EPS15: variants seen among roughly 807,000 people sequenced by gnomAD.
EPS15 encodes epidermal growth factor receptor substrate 15.
Under a neutral mutation model 113.8 loss-of-function variants are expected in EPS15, and 72 were observed. The ratio of observed to expected loss-of-function variants is 0.63; its 90% CI spans 0.52 to 0.77. The LOEUF is 0.77. Among genes scored for constraint, EPS15 ranks in the 30% least tolerant of loss-of-function variants. The pLI, the probability that EPS15 is intolerant of heterozygous loss-of-function variation, is 0.00. For missense variants in EPS15, 1,048 were observed against 1,045.8 expected, an observed-to-expected ratio of 1.00 and a Z score of -0.03; for synonymous variants, 344 against 363.4, an observed-to-expected ratio of 0.95 and a Z score of 0.61.
chr1:51,453,977 C>A (rs2148490622), intron 8 of EPS15, among the ~76,000 whole-genome samples: 1 of 142,710 alleles, frequency 7.0e-6, no homozygotes, highest in Admixed American at 7.6e-5. Flanking sequence ...TTGAACCTAG[C>A]AGGTGGAGGC....
At chr1:51,366,160 C>T in intron 21 of EPS15, 131 bp from the exon 22 acceptor site, 1 of 589,060 alleles carries the variant, frequency 1.7e-6, no homozygotes, top group Admixed American at 3.2e-5. Context: ...CTCAATCTCC[C>T]AGGCTCAAGT....
chr1:51,445,159 T>C, intron 10 of EPS15, 114 bp from the exon 11 acceptor site: 2 of 899,230 alleles, frequency 2.2e-6, no homozygotes, highest in Non-Finnish European at 3.4e-6. Context: ...AAAAAGACAG[T>C]CACACCAACT....
chr1:51,400,702 C>T (rs374585842), intron 19 of EPS15, among the ~76,000 whole-genome samples: 1 of 22,646 alleles, frequency 4.4e-5, no homozygotes, highest in Non-Finnish European at 9.4e-5. Context: ...GTCTCAAAAA[C>T]AAAAAACACC....
intron 3 of EPS15, among the ~76,000 whole-genome samples, chr1:51,472,634 C>T (rs1194740328): frequency 2.6e-5 from 4 of 152,106 alleles, no homozygotes; most frequent in African/African-American, 9.7e-5. Context: ...CTCATTTTAT[C>T]CTATTAAAAA....
chr1:51,399,510 C>CACTGCA (rs1021134845), intron 19 of EPS15, among the ~76,000 whole-genome samples: 1 of 149,286 alleles, frequency 6.7e-6, no homozygotes, highest in Admixed American at 6.7e-5. Context: ...AAAGATCTGC[C>CACTGCA]ACTGCACTCC....
chr1:51,435,752 T>C (rs1462698542), intron 12 of EPS15, among the ~76,000 whole-genome samples: 1 of 151,986 alleles, frequency 6.6e-6, no homozygotes, highest in African/African-American at 2.4e-5. Flanking sequence ...AATTAAAAAT[T>C]TACCAAAAAA....
intron 21 of EPS15, among the ~76,000 whole-genome samples, chr1:51,388,442 C>T (rs1312485358): frequency 6.6e-6 from 1 of 152,086 alleles, no homozygotes; most frequent in Admixed American, 6.5e-5. Flanking sequence ...CATTCAAAAG[C>T]TAGCAGAAGG....
At chr1:51,378,871 AC>A (rs1160127975) in intron 21 of EPS15, among the ~76,000 whole-genome samples, 1 of 152,020 alleles carries the variant, frequency 6.6e-6, no homozygotes, top group Non-Finnish European at 1.5e-5. Flanking sequence ...CAATGGAGAC[AC>A]CCCCACACTA....
chr1:51,403,463 C>T lies in EPS15; in HGVS notation c.1747G>A (p.Glu583Lys), dbSNP rs1353088701. The change falls in exon 17 of 25, where the codon GAA (glutamate) becomes AAA (lysine). Residue 583 changes from glutamate to lysine, a missense_variant. Coordinates refer to ENST00000371733, the MANE Select transcript of EPS15 (RefSeq NM_001981.3). ...TTGTCGAGTTCAGAACAAACTTTTT[C>T]AGTAACAGCTGTAGTCACCTCATTT... ...DENEVTTAVT[E>K]KVCSELDNNR... The T allele has an allele frequency of 5.0e-6, 8 of 1,611,624 alleles. No homozygotes were observed. Among genetic ancestry groups the T allele is most frequent in the Non-Finnish European group, 5.9e-6 (7 of 1,178,796 alleles).
chr1:51,373,783 T>A (rs1646719259), intron 21 of EPS15, among the ~76,000 whole-genome samples: 1 of 152,060 alleles, frequency 6.6e-6, no homozygotes, highest in Non-Finnish European at 1.5e-5. Flanking sequence ...AAACCCTGTC[T>A]CTACTAAAAA....
At chr1:51,448,801 A>G (rs934471741) in intron 8 of EPS15, among the ~76,000 whole-genome samples, 29 of 152,186 alleles carry the variant, frequency 1.9e-4, no homozygotes, top group African/African-American at 6.8e-4. Context: ...GTAGCATCAA[A>G]AAAATAAATA....
At chr1:51,477,308 A>G (rs1234638642) in intron 2 of EPS15, among the ~76,000 whole-genome samples, 1 of 151,902 alleles carries the variant, frequency 6.6e-6, no homozygotes, top group Non-Finnish European at 1.5e-5. Flanking sequence ...TATCCCCTTT[A>G]TCATTTTTTA....
chr1:51,458,951 C>A (rs1338586909), intron 8 of EPS15: 2 of 153,122 alleles, frequency 1.3e-5, no homozygotes, highest in Non-Finnish European at 2.9e-5. Context: ...CCCTGAAATG[C>A]GACTGAGATA....
Position 51,444,884 on chromosome 1 carries a change from C to A in EPS15, c.954+5G>T, listed in dbSNP as rs1652881000. 1 of 1,611,602 alleles carries A rather than the reference C, an allele frequency of 6.2e-7. No homozygotes were observed. The highest frequency in any genetic ancestry group is 1.3e-5 in the African/African-American group (1 of 74,752). On this transcript the variant is annotated splice_donor_5th_base_variant and intron_variant, in intron 11 of 24. Coordinates refer to ENST00000371733, the MANE Select transcript of EPS15 (RefSeq NM_001981.3). ...ACATTCAGGTTTCCTTTTAAGCTTT[C>A]TTACCTTTTGTAAACTGGCCCTGTC... is the stretch of plus-strand genomic sequence containing the variant.
chr1:51,483,414 T>TGTGA (rs929484577), intron 1 of EPS15, among the ~76,000 whole-genome samples: 20 of 148,532 alleles, frequency 1.3e-4, no homozygotes, highest in African/African-American at 4.9e-4. Context: ...TGTGTGTGTG[T>TGTGA]GTGTGTGTGT....
chr1:51,518,810 CAGG>C (rs1378511036), intron 1 of EPS15, among the ~76,000 whole-genome samples: 1 of 151,588 alleles, frequency 6.6e-6, no homozygotes, highest in Non-Finnish European at 1.5e-5. Context: ...GCGAGCTCAA[CAGG>C]AGCTCACCTG....
intron 1 of EPS15, among the ~76,000 whole-genome samples, chr1:51,496,475 T>C (rs1264513824): frequency 6.6e-6 from 1 of 152,182 alleles, no homozygotes; most frequent in Non-Finnish European, 1.5e-5. Context: ...CCAAAATGAA[T>C]AGATAATTTA....
At chr1:51,493,814 T>G (rs1382082454) in intron 1 of EPS15, among the ~76,000 whole-genome samples, 1 of 151,882 alleles carries the variant, frequency 6.6e-6, no homozygotes, top group Non-Finnish European at 1.5e-5. Context: ...GGGGTTTTAC[T>G]ATGTTGGCCA....
chr1:51,402,655 T>TGGCTCA (rs1648692493), intron 17 of EPS15, 130 bp from the exon 18 acceptor site: 1 of 512,244 alleles, frequency 2.0e-6, no homozygotes, highest in Non-Finnish European at 3.5e-6. Context: ...CCAGGCACGG[T>TGGCTCA]GGCTCACACC....
Sources: gnomAD v4.1 joint callset for allele counts (sites outside exome capture counted in the v4.1 genomes callset) on GRCh38, gnomAD v4.1.1 for gene constraint, MANE v1.5 for transcripts, NCBI Gene and HGNC (gene_info 2026-07-23, HGNC 2026-07-21) for gene names.